Variants in CCDC120 observed in about 807,000 individuals in gnomAD.
CCDC120 encodes the protein coiled-coil domain-containing protein 120.
Under a neutral mutation model 37.6 loss-of-function variants are expected in CCDC120, and 16 were observed. The ratio of observed to expected loss-of-function variants is 0.43; its 90% CI spans 0.29 to 0.65. The LOEUF (loss-of-function observed/expected upper bound fraction) is 0.65, where lower values mean the gene tolerates loss of function less well. Among genes scored for constraint, CCDC120 ranks in the 30% least tolerant of loss-of-function variants. The pLI, the probability that CCDC120 is intolerant of heterozygous loss-of-function variation, is 0.18. For missense variants in CCDC120, 650 were observed against 657.4 expected, an observed-to-expected ratio of 0.99 and a Z score of 0.12; for synonymous variants, 309 against 275.4, an observed-to-expected ratio of 1.12 and a Z score of -1.21.
chrX:49,062,359 C>G, intron 3 of CCDC120, 34 bp downstream of exon 3: 1 of 1,206,968 alleles, frequency 8.3e-7, no homozygotes, highest in Non-Finnish European at 1.1e-6. Context: ...CTGCCTCCTC[C>G]CCTGCTCTGA....
At chrX:49,061,713 C>T (rs782032613) in intron 1 of CCDC120, among the ~76,000 whole-genome samples, 3 of 112,228 alleles carry the variant, frequency 2.7e-5, no homozygotes, top group Non-Finnish European at 5.6e-5. Flanking sequence ...GGAGTTAGAG[C>T]GGTTCTCATG....
Position 49,064,407 on chromosome X carries a change from T to C in CCDC120, c.467T>C (p.Val156Ala). The stretch of plus-strand genomic sequence containing the variant: ...GAGGCCCTGGAACGCGAGGTGTCAG[T>C]GCAACAGCAGATCGCGGCGGCCGCC... ...ALEALEREVS[V>A]QQQIAAAARR... The change falls in exon 6 of 11, where the codon GTG becomes GCG. Residue 156 changes from valine (V) to alanine (A), a missense_variant. This residue lies in a region of CCDC120 where 576 missense variants were observed against 565.3 expected (regional missense o/e 1.02). Transcript: ENST00000603986. The C allele has an allele frequency of 8.5e-7, 1 of 1,178,500 alleles. No homozygotes were observed. The highest frequency in any genetic ancestry group is 1.1e-6 in the Non-Finnish European group (1 of 879,638).
chrX:49,068,454 CT>C, intron 10 of CCDC120, 89 bp from the exon 11 acceptor site: 1 of 1,044,814 alleles, frequency 9.6e-7, no homozygotes, highest in South Asian at 3.0e-5. Flanking sequence ...TAACGAGCCT[CT>C]TTTCCTTTCT....
At chrX:49,056,113 A>C (rs1252754006), upstream of CCDC120, among the ~76,000 whole-genome samples, 4 of 111,851 alleles carry the variant, frequency 3.6e-5, no homozygotes, top group East Asian at 1.1e-3. Flanking sequence ...CGTATCTCAA[A>C]AATGTTTCTG....
Position 49,067,182 on chromosome X carries a change from A to T in CCDC120, c.1068A>T (p.Glu356Asp), listed in dbSNP as rs1261982541. ...CCCTCGCCTCTCACCCCAGACCTGA[A>T]GGCCTTCATTCTCGTCAGTGGTCCG... Reference protein sequence around the residue: ...RGAGPQLCKPEGLHSRQWSGS... With the variant: ...RGAGPQLCKPDGLHSRQWSGS... Residue 356 changes from glutamate (E) to aspartate (D), a missense_variant, in exon 10 of 11, where the codon GAA becomes GAT. Around this residue, in one of 3 missense-constraint regions of CCDC120, gnomAD observed 576 missense variants for 565.3 expected, o/e 1.02. Coordinates refer to ENST00000603986, the MANE Select transcript of CCDC120 (RefSeq NM_001163321.4). The T allele has an allele frequency of 8.3e-7, 1 of 1,207,261 alleles. No homozygotes were observed. The highest frequency in any genetic ancestry group is 2.2e-5 in the Admixed American group (1 of 45,709).
In CCDC120 at chrX:49,067,326, C is replaced by T. The variant is rs782780443; in HGVS notation, c.1212C>T (p.Ala404=). 1.6e-5 allele frequency: 19 copies of T among 1,206,025 alleles called. No individual in the cohort carries two copies. The highest frequency in any genetic ancestry group is 1.2e-4 in the African/African-American group (7 of 57,253). Residue 404 remains alanine, a synonymous_variant, in exon 10 of 11, where the codon GCC becomes GCT. Coordinates refer to ENST00000603986, the MANE Select transcript of CCDC120 (RefSeq NM_001163321.4). Reference sequence around the variant, plus strand: ...CTGAGGCCCTGCTGGTGGACCGGGCCGCTGGTGGGGGAGCTGGCTCCCCGC... The same window carrying T: ...CTGAGGCCCTGCTGGTGGACCGGGCTGCTGGTGGGGGAGCTGGCTCCCCGC... ...NSSEALLVDR[A]AGGGAGSPPA...
chrX:49,066,736 A>G (rs1220819365), intron 9 of CCDC120: 1 of 120,774 alleles, frequency 8.3e-6, no homozygotes, highest in Non-Finnish European at 1.7e-5. Context: ...TGGGTGGTTC[A>G]TACGTATGGT....
intron 7 of CCDC120, 71 bp downstream of exon 7, chrX:49,065,169 G>A (rs1471764424): frequency 4.8e-6 from 5 of 1,032,166 alleles, no homozygotes; most frequent in Non-Finnish European, 5.4e-6. Flanking sequence ...TTATTCATCC[G>A]ACCACATCCT....
chrX:49,068,168 G>C lies in CCDC120; in HGVS notation c.1976+78G>C, dbSNP rs782568203. The stretch of plus-strand genomic sequence containing the variant: ...AGATATCCAGGCCAGGGAGTGGCTA[G>C]TCATGATAGCTAATGAATTGGACCA... On this transcript the variant is annotated intron_variant, in intron 10 of 10. Transcript: ENST00000603986. 48 of 1,123,569 alleles carry C rather than the reference G, an allele frequency of 4.3e-5. No homozygotes were observed. The East Asian group carries it at 1.6e-3, about 36-fold the overall frequency. 92.6% of individuals were successfully genotyped at this position (1,123,569 alleles called of 1,213,427 possible). A position where few individuals can be genotyped will look rare whatever the true frequency, so the allele number is the denominator to read the frequency against.
At chrX:49,065,375 T>C in intron 7 of CCDC120, 79 bp from the exon 8 acceptor site, 12 of 988,347 alleles carry the variant, frequency 1.2e-5, no homozygotes, top group Non-Finnish European at 1.6e-5. Context: ...CCCCTCCCCA[T>C]GGCCTTGCCC....
At chrX:49,061,822 G>A in intron 1 of CCDC120, 137 bp from the exon 2 acceptor site, 2 of 624,641 alleles carry the variant, frequency 3.2e-6, no homozygotes, top group Non-Finnish European at 4.7e-6. Flanking sequence ...CTCTAAAATG[G>A]GGATACGAAT....
At chrX:49,061,165 G>A (rs782007620) in intron 1 of CCDC120, among the ~76,000 whole-genome samples, 244 of 111,424 alleles carry the variant, frequency 2.2e-3, no homozygotes, top group African/African-American at 7.4e-3. Context: ...CAGGTGGTTC[G>A]TTATTTGCAG....
At chrX:49,061,161 G>A (rs1049070475) in intron 1 of CCDC120, among the ~76,000 whole-genome samples, 2 of 111,751 alleles carry the variant, frequency 1.8e-5, no homozygotes, top group Admixed American at 9.5e-5. Context: ...GAGGCAGGTG[G>A]TTCGTTATTT....
chrX:49,059,395 C>T (rs1339288047), intron 1 of CCDC120: 20 of 742,492 alleles, frequency 2.7e-5, no homozygotes, highest in Non-Finnish European at 3.2e-5. Context: ...TCCACCCTAT[C>T]CCTGCTTCCT....
At chrX:49,054,887 A>G, upstream of CCDC120, among the ~76,000 whole-genome samples, 1 of 110,068 alleles carries the variant, frequency 9.1e-6, no homozygotes, top group East Asian at 2.9e-4. Context: ...TCCCCTTACC[A>G]TGCCCCTCCA....
At position 49,067,700 on chromosome X, in the gene CCDC120, C is replaced by G. The variant is rs2064975087; in HGVS notation, c.1586C>G (p.Ala529Gly). 8.4e-7 allele frequency: 1 copy of G among 1,196,954 alleles called. No homozygotes were observed. Among genetic ancestry groups the G allele is most frequent in the African/African-American group, 1.7e-5 (1 of 57,264 alleles). ...CCCGGCCCACCACCTGTGTATGCAG[C>G]TGACAGCAACAGCCCCCTCCTCCGC... ...MLPGPPPVYA[A>G]DSNSPLLRTK... The change falls in exon 10 of 11, where the codon GCT (alanine) becomes GGT (glycine). Residue 529 changes from alanine to glycine, a missense_variant. Transcript: ENST00000603986.
Position 49,067,447 on chromosome X carries a change from C to T in CCDC120, c.1333C>T (p.Arg445Cys), listed in dbSNP as rs782537429. 13 of 1,189,189 alleles carry T rather than the reference C, an allele frequency of 1.1e-5. No individual in the cohort carries two copies. The highest frequency in any genetic ancestry group is 5.5e-5 in the South Asian group (3 of 54,176). Residue 445 changes from arginine to cysteine, a missense_variant, in exon 10 of 11, where the codon CGC becomes TGC. Physicochemically the swap from Arg to Cys is radical, Grantham distance 180. Transcript: ENST00000603986. Reference protein sequence around the residue: ...RPQPTPAFSSRTAGPPDPPRA... With the variant: ...RPQPTPAFSSCTAGPPDPPRA... Reference sequence around the variant, plus strand: ...CCAACCAACCCCTGCCTTCTCCTCCCGCACAGCAGGCCCCCCAGACCCTCC... The same window carrying T: ...CCAACCAACCCCTGCCTTCTCCTCCTGCACAGCAGGCCCCCCAGACCCTCC...
rs1557081007 is a variant in CCDC120, at chrX:49,065,755, G to A, written c.971G>A (p.Arg324His). Reference sequence around the variant, plus strand: ...TGCCTGTCTCTGTCTAGCCCCACACGCTCGCTGCCCAGGAGTGCCTCCAGT... The same window carrying A: ...TGCCTGTCTCTGTCTAGCCCCACACACTCGCTGCCCAGGAGTGCCTCCAGT... ...NSVASPTSPT[R>H]SLPRSASSFE... is the part of the protein sequence containing the mutation. The change falls in exon 9 of 11, where the codon CGC becomes CAC. Residue 324 changes from arginine to histidine, a missense_variant. Transcript: ENST00000603986. 2 of 1,174,587 alleles carry A rather than the reference G, an allele frequency of 1.7e-6. No individual in the cohort carries two copies. Among genetic ancestry groups the A allele is most frequent in the Admixed American group, 2.5e-5 (1 of 39,941 alleles).
chrX:49,067,772 T>C lies in CCDC120; in HGVS notation c.1658T>C (p.Leu553Pro). The change falls in exon 10 of 11, where the codon CTG becomes CCG. Residue 553 changes from leucine (L) to proline (P), a missense_variant. By Grantham distance (98) the Leu-to-Pro change is moderately conservative. This residue lies in a region of CCDC120 where 576 missense variants were observed against 565.3 expected (regional missense o/e 1.02). Coordinates refer to ENST00000603986, the MANE Select transcript of CCDC120 (RefSeq NM_001163321.4). ...TRATRTKPCG[L>P]PPEAAEGPEV... ...GCCACCCGCACTAAGCCCTGTGGCC[T>C]GCCCCCAGAGGCTGCCGAAGGCCCT... 8.4e-7 allele frequency: 1 copy of C among 1,197,297 alleles called. No homozygotes were observed. The highest frequency in any genetic ancestry group is 1.1e-6 in the Non-Finnish European group (1 of 886,206).
Sources: gnomAD v4.1 joint callset for allele counts (sites outside exome capture counted in the v4.1 genomes callset) on GRCh38, gnomAD v4.1.1 for gene constraint, gnomAD v4.1.1 regional missense constraint, MANE v1.5 for transcripts, NCBI Gene and HGNC (gene_info 2026-07-23, HGNC 2026-07-21) for gene names.